Variants in EML5 observed in about 807,000 individuals in gnomAD.
EML5 encodes the protein EMAP like 5.
EML5 carries 120 observed loss-of-function variants against 250.0 expected under a neutral mutation model. That is an observed-to-expected ratio of 0.48 (90% CI 0.41 to 0.56). The LOEUF (loss-of-function observed/expected upper bound fraction) is 0.56. Among genes scored for constraint, EML5 ranks in the 20% least tolerant of loss-of-function variants. The pLI, the probability that EML5 is intolerant of heterozygous loss-of-function variation, is 0.00. For synonymous variants in EML5, 771 were observed against 806.5 expected, an observed-to-expected ratio of 0.96 and a Z score of 0.75; for missense variants, 2,006 against 2,437.6, an observed-to-expected ratio of 0.82 and a Z score of 3.73.
intron 1 of EML5, among the ~76,000 whole-genome samples, chr14:88,773,539 C>T (rs1405177099): frequency 6.6e-6 from 1 of 152,138 alleles, no homozygotes; most frequent in Non-Finnish European, 1.5e-5. Context: ...AGCACCTGAA[C>T]ATGGATTACT....
Position 88,754,156 on chromosome 14 carries a change from C to T in EML5, c.357+356G>A, listed in dbSNP as rs959799619. ...ATAAAAAAATAAAATTAAAATAAAA[C>T]ATATACAGCTTTCTGAGAAACTTAA... On this transcript the variant is annotated intron_variant, in intron 2 of 43. Transcript: ENST00000554922. Among the ~76,000 whole-genome samples, 10 of 152,130 alleles carry T rather than the reference C, an allele frequency of 6.6e-5. No individual in the cohort carries two copies. The South Asian group carries it at 2.1e-3, about 32-fold the overall frequency.
intron 14 of EML5, among the ~76,000 whole-genome samples, chr14:88,701,899 C>A (rs576176077): frequency 2.0e-5 from 3 of 152,292 alleles, no homozygotes; most frequent in Admixed American, 1.3e-4. Flanking sequence ...AGTACTTACA[C>A]AAAGGAAGAA....
chr14:88,661,810 T>C lies in EML5; in HGVS notation c.3519A>G (p.Ala1173=), dbSNP rs978623499. 1.9e-6 allele frequency: 3 copies of C among 1,609,042 alleles called. No individual in the cohort carries two copies. The highest frequency in any genetic ancestry group is 2.5e-6 in the Non-Finnish European group (3 of 1,177,532). Residue 1173 remains alanine, a synonymous_variant, in exon 25 of 44, where the codon GCA becomes GCG. Coordinates refer to ENST00000554922, the MANE Select transcript of EML5 (RefSeq NM_183387.3). ...ATAAACCAAGTACACTTGTCCATGATGCCCAAGCAATTTTTTCTACCTAAA... is the reference window on the plus strand; with the variant it reads ...ATAAACCAAGTACACTTGTCCATGACGCCCAAGCAATTTTTTCTACCTAAA... The part of the protein sequence containing the change: ...PSVEVEKIAW[A]SWTSVLGLCC...
At chr14:88,726,709 G>T in intron 7 of EML5, 31 bp from the exon 8 acceptor site, 2 of 1,467,902 alleles carry the variant, frequency 1.4e-6, no homozygotes, top group Non-Finnish European at 1.8e-6. Context: ...AATAAAAAAG[G>T]TTAGCTAATG....
intron 14 of EML5, among the ~76,000 whole-genome samples, chr14:88,698,217 T>A (rs1355789339): frequency 6.6e-6 from 1 of 151,646 alleles, no homozygotes; most frequent in African/African-American, 2.4e-5. Flanking sequence ...CAGAATTTGA[T>A]GCTTTTGATG....
At chr14:88,658,088 T>A (rs983270939) in intron 26 of EML5, 99 bp downstream of exon 26, 20 of 1,225,586 alleles carry the variant, frequency 1.6e-5, no homozygotes, top group South Asian at 1.4e-4. Flanking sequence ...CCACTACAAT[T>A]ATTCAAACAT....
rs1482577296 is a variant in EML5, at chr14:88,642,838, C to A, written c.4237+55G>T. On this transcript the variant is annotated intron_variant, in intron 31 of 43. Transcript: ENST00000554922. ...TAACAAAGATTTTAAGCTGCTAGATCAAAATTTCTAAGTTAAAAAAATTGA... is the reference window on the plus strand; with the variant it reads ...TAACAAAGATTTTAAGCTGCTAGATAAAAATTTCTAAGTTAAAAAAATTGA... 4.6e-6 allele frequency: 7 copies of A among 1,531,978 alleles called. No individual in the cohort carries two copies. In the Admixed American group the frequency reaches 6.9e-5, roughly 15 times the overall value. The allele number at this position is 1,531,978 out of a possible 1,614,324, so 94.9% of individuals were successfully genotyped here. A position where few individuals can be genotyped will look rare whatever the true frequency, so the allele number is the denominator to read the frequency against.
intron 1 of EML5, among the ~76,000 whole-genome samples, chr14:88,787,800 T>C (rs1315177361): frequency 6.6e-6 from 1 of 152,196 alleles, no homozygotes; most frequent in East Asian, 1.9e-4. Flanking sequence ...TGTTTTCTAA[T>C]ACTTTTTGAA....
At chr14:88,699,530 A>G (rs924174351) in intron 14 of EML5, among the ~76,000 whole-genome samples, 3 of 152,136 alleles carry the variant, frequency 2.0e-5, no homozygotes, top group African/African-American at 7.2e-5. Context: ...TATTAACACT[A>G]ATAAATATGA....
intron 27 of EML5, among the ~76,000 whole-genome samples, chr14:88,653,355 A>T (rs753841795): frequency 6.6e-6 from 1 of 152,302 alleles, no homozygotes; most frequent in South Asian, 2.1e-4. Context: ...AGTGAGAGAC[A>T]GCATCCTTGT....
At chr14:88,649,880 G>T in intron 28 of EML5, 32 bp downstream of exon 28, 1 of 1,462,870 alleles carries the variant, frequency 6.8e-7, no homozygotes, top group Non-Finnish European at 9.1e-7. Flanking sequence ...GTAAATTTTT[G>T]AATAAAATAT....
At chr14:88,738,422 A>AG (rs1806450952) in intron 6 of EML5, among the ~76,000 whole-genome samples, 1 of 151,644 alleles carries the variant, frequency 6.6e-6, no homozygotes, top group Non-Finnish European at 1.5e-5. Context: ...CAAGAGAAAA[A>AG]AAAAAAATCC....
chr14:88,719,673 C>CT (rs1226681790), intron 8 of EML5, among the ~76,000 whole-genome samples: 2,928 of 144,372 alleles, frequency 0.02, 76 homozygotes, highest in African/African-American at 0.061. Flanking sequence ...ATGATATGAG[C>CT]TTTTTTTTTT....
intron 8 of EML5, among the ~76,000 whole-genome samples, chr14:88,724,205 G>A (rs2093632539): frequency 6.6e-6 from 1 of 151,370 alleles, no homozygotes; most frequent in South Asian, 2.1e-4. Flanking sequence ...AACCTGGGAG[G>A]CGGAGGCTGC....
At chr14:88,718,131 C>T (rs946228154) in intron 8 of EML5, among the ~76,000 whole-genome samples, 5 of 152,104 alleles carry the variant, frequency 3.3e-5, no homozygotes, top group African/African-American at 7.2e-5. Context: ...AACTAGGATA[C>T]GGCCCATAGA....
intron 15 of EML5, 33 bp downstream of exon 15, chr14:88,696,811 TTTG>T (rs758593368): frequency 6.1e-6 from 9 of 1,481,322 alleles, no homozygotes; most frequent in Admixed American, 1.9e-5. Flanking sequence ...GCCTCTGCAT[TTTG>T]TTAATTCTTA....
Position 88,706,421 on chromosome 14 carries a change from T to G in EML5, c.1663A>C (p.Lys555Gln), listed in dbSNP as rs1441087734. 3.3e-6 allele frequency: 5 copies of G among 1,526,238 alleles called. No individual in the cohort carries two copies. Among genetic ancestry groups the G allele is most frequent in the Middle Eastern group, 1.7e-4 (1 of 5,808 alleles). The allele number at this position is 1,526,238 out of a possible 1,614,324, so 94.5% of individuals were successfully genotyped here. Residue 555 changes from lysine to glutamine, a missense_variant, in exon 11 of 44, where the codon AAG becomes CAG. Physicochemically the swap from Lys to Gln is moderately conservative, Grantham distance 53. Transcript: ENST00000554922. ...FRYPCLRKGA[K>Q]FRKYIGHSAH... ...GAATGGCCAATATATTTTCTAAACT[T>G]GGCCCCTATAATAAAAATATATCTT...
At chr14:88,681,578 C>T (rs923595079) in intron 21 of EML5, among the ~76,000 whole-genome samples, 2 of 152,210 alleles carry the variant, frequency 1.3e-5, no homozygotes, top group South Asian at 4.1e-4. Context: ...AGAAAAGTTT[C>T]CAGTTCTAAA....
At chr14:88,789,343 A>G (rs1451120133) in intron 1 of EML5, among the ~76,000 whole-genome samples, 2 of 152,246 alleles carry the variant, frequency 1.3e-5, no homozygotes, top group Non-Finnish European at 2.9e-5. Flanking sequence ...ATTGAAACTA[A>G]TTGCCATATA....
Sources: gnomAD v4.1 joint callset for allele counts (sites outside exome capture counted in the v4.1 genomes callset) on GRCh38, gnomAD v4.1.1 for gene constraint, MANE v1.5 for transcripts, NCBI Gene and HGNC (gene_info 2026-07-23, HGNC 2026-07-21) for gene names.